SMPDL3B: variants seen among roughly 807,000 people sequenced by gnomAD.
The protein encoded by SMPDL3B is sphingomyelin phosphodiesterase acid like 3B, also known as acid sphingomyelinase-like phosphodiesterase 3b.
SMPDL3B carries 31 observed loss-of-function variants against 37.9 expected under a neutral mutation model. That is an observed-to-expected ratio of 0.82 (90% CI 0.61 to 1.10). The LOEUF (loss-of-function observed/expected upper bound fraction) is 1.10, where lower values mean the gene tolerates loss of function less well. Ranked by LOEUF, SMPDL3B falls within the 50% of genes least tolerant of loss-of-function variation. The pLI, the probability that SMPDL3B is intolerant of heterozygous loss-of-function variation, is 0.00. For missense variants in SMPDL3B, 525 were observed against 597.8 expected (o/e 0.88, Z 1.27); for synonymous variants, 235 against 242.6 (o/e 0.97, Z 0.29).
intron 1 of SMPDL3B, chr1:27,942,328 T>TTCTGG (rs2090367061): frequency 3.0e-5 from 14 of 461,380 alleles, no homozygotes; most frequent in South Asian, 2.2e-4. Context: ...TCCCCCAACA[T>TTCTGG]CCATCCTGGC....
chr1:27,937,608 A>G (rs2090320898), intron 1 of SMPDL3B, among the ~76,000 whole-genome samples: 1 of 152,218 alleles, frequency 6.6e-6, no homozygotes. Flanking sequence ...AACAGACAAA[A>G]GCCACTGAAT....
chr1:27,942,796 TG>T (rs1250191681), intron 1 of SMPDL3B, among the ~76,000 whole-genome samples: 1 of 152,210 alleles, frequency 6.6e-6, no homozygotes, highest in East Asian at 1.9e-4. Flanking sequence ...CCTGAGTAGC[TG>T]GGATTACAGG....
chr1:27,939,256 GT>G (rs2090335275), intron 1 of SMPDL3B, among the ~76,000 whole-genome samples: 1 of 152,076 alleles, frequency 6.6e-6, no homozygotes, highest in Admixed American at 6.6e-5. Context: ...AAGAACTTAG[GT>G]TTTATAAATG....
Position 27,958,434 on chromosome 1 carries a change from G to A in SMPDL3B, c.1006-42G>A. ...AAGGTGCAGGATGGGGATGGAAGCA[G>A]ACAACTGCTCACAGCCGGTCTACCC... On this transcript the variant is annotated intron_variant, in intron 7 of 7. Transcript: ENST00000373894. The surrounding 1 kb of genome is among the most constrained non-coding windows in gnomAD (Gnocchi z 5.6). 6.4e-7 allele frequency: 1 copy of A among 1,557,224 alleles called. No individual in the cohort carries two copies. Among genetic ancestry groups the A allele is most frequent in the Non-Finnish European group, 8.7e-7 (1 of 1,146,742 alleles).
intron 3 of SMPDL3B, among the ~76,000 whole-genome samples, 160 bp from the exon 4 acceptor site, chr1:27,953,055 A>G (rs2090466978): frequency 6.6e-6 from 1 of 152,218 alleles, no homozygotes. Flanking sequence ...AGCAAAGTTC[A>G]GTCAGATTCT....
rs2090403076 is a variant in SMPDL3B, at chr1:27,945,934, T to G, written c.275+489T>G. On this transcript the variant is annotated intron_variant, in intron 2 of 7. Coordinates refer to ENST00000373894, the MANE Select transcript of SMPDL3B (RefSeq NM_014474.4). This position sits in a 1 kb window ranked among gnomAD's most constrained non-coding sequence, Gnocchi z 4.0. ...ATTTTCTCACCAGTCAGAGCTCTGC[T>G]CTACAGAGTGACAGCTTGAGGGCCG... Among the ~76,000 whole-genome samples the G allele has an allele frequency of 6.6e-6, 1 of 152,116 alleles. No homozygotes were observed. The highest frequency in any genetic ancestry group is 1.5e-5 in the Non-Finnish European group (1 of 68,020).
rs1557499259 is a variant in SMPDL3B at position 27,954,426 on chromosome 1, A to AC, written c.591dup (p.Tyr198LeufsTer46). ...ATTGTGGTCCTCAACACCAATCTGT[A>AC]CTATACCAGCAATGCGCTGACAGCA... On this transcript the variant is annotated frameshift_variant, in exon 5 of 8. Transcript: ENST00000373894. LOFTEE classifies it high-confidence loss of function. 1.9e-6 allele frequency: 3 copies of AC among 1,613,988 alleles called. No individual in the cohort carries two copies. In the South Asian group the frequency reaches 3.3e-5, roughly 18 times the overall value.
chr1:27,935,171 G>T lies in SMPDL3B; in HGVS notation c.-13G>T, dbSNP rs145465203. 779 of 1,612,160 alleles carry T rather than the reference G, an allele frequency of 4.8e-4. 7 individuals are homozygous for T. In the African/African-American group the frequency reaches 8.7e-3, roughly 18 times the overall value. On this transcript the variant is annotated 5_prime_UTR_variant, in exon 1 of 8. Transcript: ENST00000373894. ...CTGAGAATCCCACGGCTCTGGGGAA[G>T]TGAGCCCCGAGGATGAGGCTGCTCG...
intron 3 of SMPDL3B, among the ~76,000 whole-genome samples, chr1:27,950,439 A>G (rs896962331): frequency 1.3e-5 from 2 of 152,138 alleles, no homozygotes; most frequent in African/African-American, 4.8e-5. Flanking sequence ...TCAAATAATG[A>G]GTAAGAAAAT....
intron 3 of SMPDL3B, among the ~76,000 whole-genome samples, chr1:27,950,032 C>T (rs1462514316): frequency 6.6e-6 from 1 of 152,090 alleles, no homozygotes; most frequent in Non-Finnish European, 1.5e-5. Context: ...GGTGCTGTGA[C>T]CTCAATTTTA....
chr1:27,940,088 G>T (rs1325472255), intron 1 of SMPDL3B, among the ~76,000 whole-genome samples: 1 of 152,098 alleles, frequency 6.6e-6, no homozygotes, highest in Non-Finnish European at 1.5e-5. Context: ...GAGCTATGAG[G>T]CCTTGGGCCC....
intron 7 of SMPDL3B, among the ~76,000 whole-genome samples, chr1:27,957,371 T>C (rs1365608724): frequency 6.6e-6 from 1 of 152,132 alleles, no homozygotes; most frequent in East Asian, 1.9e-4. Flanking sequence ...CCAAGGCTCT[T>C]GGCCTGTGCA....
At position 27,945,435 on chromosome 1, in the gene SMPDL3B, C is replaced by G; in HGVS notation, c.265C>G (p.Leu89Val). 1 of 1,613,874 alleles carries G rather than the reference C, an allele frequency of 6.2e-7. No individual in the cohort carries two copies. The highest frequency in any genetic ancestry group is 8.5e-7 in the Non-Finnish European group (1 of 1,179,748). The change falls in exon 2 of 8, where the codon CTC becomes GTC. Residue 89 changes from leucine to valine, a missense_variant. By Grantham distance (32) the Leu-to-Val change is conservative. Transcript: ENST00000373894. This position sits in a 1 kb window ranked among gnomAD's most constrained non-coding sequence, Gnocchi z 4.0. The stretch of plus-strand genomic sequence containing the variant: ...GATTGAGCCAGAGCCAGACTTCATT[C>G]TCTGGACTGGGTGAGTACAGTTGAG... Reference protein sequence around the residue: ...KEIEPEPDFILWTGDDTPHVP... With the variant: ...KEIEPEPDFIVWTGDDTPHVP...
chr1:27,939,794 C>T (rs934108774), intron 1 of SMPDL3B, among the ~76,000 whole-genome samples: 3 of 147,822 alleles, frequency 2.0e-5, no homozygotes, highest in Non-Finnish European at 3.0e-5. Flanking sequence ...GCACTCCAGC[C>T]TGGGTTTTTG....
At chr1:27,954,321 G>A in intron 4 of SMPDL3B, 33 bp from the exon 5 acceptor site, 2 of 1,591,978 alleles carry the variant, frequency 1.3e-6, no homozygotes, top group African/African-American at 1.3e-5. Context: ...CCAGAGGTGG[G>A]GGCCTCCTTC....
intron 1 of SMPDL3B, among the ~76,000 whole-genome samples, chr1:27,938,509 T>C (rs1167641916): frequency 3.3e-5 from 5 of 152,182 alleles, no homozygotes; most frequent in Admixed American, 3.3e-4. Context: ...TATTTTACTG[T>C]TTATAAAATA....
chr1:27,942,006 CACAG>C (rs2090363504), intron 1 of SMPDL3B, among the ~76,000 whole-genome samples: 1 of 152,264 alleles, frequency 6.6e-6, no homozygotes, highest in East Asian at 1.9e-4. Flanking sequence ...CATGCACACA[CACAG>C]ACACACACGC....
chr1:27,955,582 C>A, intron 5 of SMPDL3B, 102 bp from the exon 6 acceptor site: 1 of 1,167,966 alleles, frequency 8.6e-7, no homozygotes, highest in African/African-American at 1.5e-5. Context: ...TACATTTGGG[C>A]CTGTCTACCT....
At chr1:27,943,986 C>G (rs2090382287) in intron 1 of SMPDL3B, among the ~76,000 whole-genome samples, 1 of 140,676 alleles carries the variant, frequency 7.1e-6, no homozygotes, top group Non-Finnish European at 1.5e-5. Flanking sequence ...TGCACTCCAG[C>G]TTGGGCACAG....
Sources: allele counts gnomAD v4.1 joint callset (sites outside exome capture counted in the v4.1 genomes callset), GRCh38; gene constraint gnomAD v4.1.1; non-coding constraint Gnocchi (gnomAD v3.1); transcripts MANE v1.5; gene names NCBI Gene and HGNC (gene_info 2026-07-23, HGNC 2026-07-21).